The following CACNG3 variants were observed in gnomAD, a reference collection of about 807,000 sequenced individuals.
CACNG3 encodes calcium voltage-gated channel auxiliary subunit gamma 3, also known as voltage-dependent calcium channel gamma-3 subunit.
A neutral mutation model predicts 28.5 loss-of-function variants in CACNG3; 3 were observed. The observed-to-expected ratio is 0.11, with a 90% confidence interval of 0.05 to 0.27. The LOEUF is 0.27. Ranked by LOEUF, CACNG3 falls within the 10% of genes least tolerant of loss-of-function variation. The probability of loss-of-function intolerance (pLI) is 1.00; values close to 1 mark genes in which losing one functional copy is unlikely to be tolerated. For synonymous variants in CACNG3, 174 were observed against 162.2 expected (o/e 1.07, Z -0.55); for missense variants, 236 against 414.4 (o/e 0.57, Z 3.74).
chr16:24,335,062 G>A (rs1007613389), intron 1 of CACNG3, among the ~76,000 whole-genome samples: 1 of 152,154 alleles, frequency 6.6e-6, no homozygotes, highest in Non-Finnish European at 1.5e-5. Context: ...AGAGGATTTT[G>A]CAAGAGCTCA....
At chr16:24,301,917 C>A (rs1899117955) in intron 1 of CACNG3, among the ~76,000 whole-genome samples, 1 of 152,132 alleles carries the variant, frequency 6.6e-6, no homozygotes, top group Non-Finnish European at 1.5e-5. Flanking sequence ...TTTCTGAGAT[C>A]TCTGTGGTTG....
intron 1 of CACNG3, among the ~76,000 whole-genome samples, chr16:24,277,914 T>C (rs946630351): frequency 2.0e-5 from 3 of 152,162 alleles, no homozygotes; most frequent in Admixed American, 2.0e-4. Flanking sequence ...GAGATCTTAC[T>C]ATGTTGCCCA....
intron 1 of CACNG3, among the ~76,000 whole-genome samples, chr16:24,306,062 C>T (rs905991659): frequency 5.3e-5 from 8 of 152,084 alleles, no homozygotes; most frequent in South Asian, 2.1e-4. Flanking sequence ...GCACTTTTAC[C>T]GGAAGTAGTT....
At chr16:24,340,538 T>C (rs968207976) in intron 1 of CACNG3, among the ~76,000 whole-genome samples, 9 of 152,168 alleles carry the variant, frequency 5.9e-5, no homozygotes, top group African/African-American at 2.2e-4. Context: ...TGTACGATTG[T>C]TACATGTCAA....
At chr16:24,259,493 T>C (rs1368553259) in intron 1 of CACNG3, among the ~76,000 whole-genome samples, 1 of 152,228 alleles carries the variant, frequency 6.6e-6, no homozygotes, top group East Asian at 1.9e-4. Flanking sequence ...TTTCTGGTCC[T>C]TTAAGTGTCA....
At chr16:24,277,789 A>G (rs1168092557) in intron 1 of CACNG3, among the ~76,000 whole-genome samples, 2 of 152,050 alleles carry the variant, frequency 1.3e-5, no homozygotes, top group Non-Finnish European at 2.9e-5. Context: ...CAAAAAAAAA[A>G]AAAAAAAAGT....
At chr16:24,319,474 G>A (rs1412919559) in intron 1 of CACNG3, among the ~76,000 whole-genome samples, 2 of 152,198 alleles carry the variant, frequency 1.3e-5, no homozygotes, top group African/African-American at 2.4e-5. Context: ...TTTTGCAAGA[G>A]AAGAGGTCTT....
chr16:24,358,382 C>T (rs556500667), intron 3 of CACNG3, among the ~76,000 whole-genome samples: 4 of 152,334 alleles, frequency 2.6e-5, no homozygotes, highest in South Asian at 2.1e-4. Flanking sequence ...AGTATCATAA[C>T]GGCCCCACCT....
chr16:24,339,455 A>G (rs895298511), intron 1 of CACNG3, among the ~76,000 whole-genome samples: 1 of 149,324 alleles, frequency 6.7e-6, no homozygotes, highest in African/African-American at 2.5e-5. Context: ...GTGCCATCTC[A>G]GCTCACTGCA....
intron 1 of CACNG3, among the ~76,000 whole-genome samples, chr16:24,306,931 A>G (rs1183831647): frequency 6.6e-6 from 1 of 152,134 alleles, no homozygotes; most frequent in Non-Finnish European, 1.5e-5. Context: ...TGTGGTGGCA[A>G]CACAGTTCTT....
chr16:24,282,865 A>C (rs1396923341), intron 1 of CACNG3, among the ~76,000 whole-genome samples: 1 of 151,778 alleles, frequency 6.6e-6, no homozygotes, highest in Non-Finnish European at 1.5e-5. Flanking sequence ...GCTTCACAAG[A>C]TTCTTTTTTT....
In CACNG3 at chr16:24,256,580, A is replaced by T; in HGVS notation, c.-175A>T. 8.2e-6 allele frequency: 5 copies of T among 611,064 alleles called. No homozygotes were observed. Among genetic ancestry groups the T allele is most frequent in the Non-Finnish European group, 8.8e-6 (3 of 341,700 alleles). 37.9% of individuals were successfully genotyped at this position (611,064 alleles called of 1,614,324 possible). On this transcript the variant is annotated 5_prime_UTR_variant, in exon 1 of 4. An upstream open reading frame in the 5' UTR gains an earlier in-frame stop. Coordinates refer to ENST00000005284, the MANE Select transcript of CACNG3 (RefSeq NM_006539.4). This position sits in a 1 kb window ranked among gnomAD's most constrained non-coding sequence, Gnocchi z 4.6. ...GGCCATAGGCGACCCAGGGAACTGG[A>T]GAGAGCTCCAGAAAGGAAATCCCAG...
At chr16:24,306,147 T>C (rs1337263753) in intron 1 of CACNG3, among the ~76,000 whole-genome samples, 1 of 152,168 alleles carries the variant, frequency 6.6e-6, no homozygotes, top group African/African-American at 2.4e-5. Context: ...ACACCACAAC[T>C]CTCCATACAT....
rs7200312 is a variant in CACNG3 at position 24,305,743 on chromosome 16, C to T, written c.212-40991C>T. Among the ~76,000 whole-genome samples, 1,366 of 152,196 alleles carry T rather than the reference C, an allele frequency of 9.0e-3. 30 individuals are homozygous for T. Among genetic ancestry groups the T allele is most frequent in the African/African-American group, 0.03 (1,265 of 41,512 alleles). On this transcript the variant is annotated intron_variant, in intron 1 of 3. Coordinates refer to ENST00000005284, the MANE Select transcript of CACNG3 (RefSeq NM_006539.4). The stretch of plus-strand genomic sequence containing the variant: ...CGGGTTGATAGGTGTAGCAAACCAC[C>T]ATGGCACATGTATACCTATGTAACA...
At chr16:24,314,744 C>CTCG (rs923713542) in intron 1 of CACNG3, among the ~76,000 whole-genome samples, 1 of 148,716 alleles carries the variant, frequency 6.7e-6, no homozygotes, top group African/African-American at 2.4e-5. Context: ...CCTCCTCCTC[C>CTCG]TCCTCCTCCT....
At chr16:24,305,625 A>G (rs941968410) in intron 1 of CACNG3, among the ~76,000 whole-genome samples, 6 of 152,156 alleles carry the variant, frequency 3.9e-5, no homozygotes, top group Non-Finnish European at 8.8e-5. Flanking sequence ...GGAGGAGAAC[A>G]TCACACACTG....
intron 1 of CACNG3, among the ~76,000 whole-genome samples, chr16:24,294,185 T>A (rs1899000554): frequency 6.6e-6 from 1 of 152,252 alleles, no homozygotes; most frequent in Non-Finnish European, 1.5e-5. Context: ...TTTGCTTATC[T>A]GCAAACTCTT....
chr16:24,317,263 C>T (rs1402455663), intron 1 of CACNG3, among the ~76,000 whole-genome samples: 3 of 152,034 alleles, frequency 2.0e-5, no homozygotes, highest in Non-Finnish European at 2.9e-5. Flanking sequence ...AGAAGCAAGC[C>T]GGACTTGGTG....
intron 1 of CACNG3, among the ~76,000 whole-genome samples, chr16:24,315,835 T>C (rs1410200111): frequency 2.0e-5 from 3 of 152,134 alleles, no homozygotes; most frequent in Admixed American, 6.5e-5. Flanking sequence ...ATTTTTGTGT[T>C]TTTAGTAGAG....
Sources: allele counts gnomAD v4.1 joint callset (sites outside exome capture counted in the v4.1 genomes callset), GRCh38; gene constraint gnomAD v4.1.1; non-coding constraint Gnocchi (gnomAD v3.1); transcripts MANE v1.5; gene names NCBI Gene and HGNC (gene_info 2026-07-23, HGNC 2026-07-21).